Variants in NLRP8 observed in about 807,000 individuals in gnomAD.
The protein encoded by NLRP8 is NLR family pyrin domain containing 8.
NLRP8 carries 86 observed loss-of-function variants against 88.7 expected under a neutral mutation model. That is an observed-to-expected ratio of 0.97 (90% CI 0.81 to 1.16). The LOEUF (loss-of-function observed/expected upper bound fraction) is 1.16, where lower values mean the gene tolerates loss of function less well. NLRP8 is among the 50% of genes most tolerant of loss of function. NLRP8 has a pLI of 0.00. For missense variants in NLRP8, 1,342 were observed against 1,286.5 expected (o/e 1.04, Z -0.66); for synonymous variants, 504 against 494.6 (o/e 1.02, Z -0.25).
At position 55,954,595 on chromosome 19, in the gene NLRP8, C is replaced by G; in HGVS notation, c.537C>G (p.Tyr179Ter). 2 of 1,614,168 alleles carry G rather than the reference C, an allele frequency of 1.2e-6. No individual in the cohort carries two copies. The highest frequency in any genetic ancestry group is 2.7e-5 in the African/African-American group (2 of 75,030). Residue 179 changes from tyrosine (Y) to a stop codon, truncating the protein, a stop_gained, in exon 3 of 10, where the codon TAC (tyrosine) becomes TAG (stop). Coordinates refer to ENST00000291971, the MANE Select transcript of NLRP8 (RefSeq NM_176811.2). LOFTEE classifies it high-confidence loss of function. Reference sequence around the variant, plus strand: ...CTGGAAACCAGAGGGACTTCTTCTACCAAGGTGTACACAGGCACGAGGAGT... The same window carrying G: ...CTGGAAACCAGAGGGACTTCTTCTAGCAAGGTGTACACAGGCACGAGGAGT...
chr19:55,969,671 C>T (rs1183480555), intron 5 of NLRP8, among the ~76,000 whole-genome samples: 1 of 152,142 alleles, frequency 6.6e-6, no homozygotes, highest in Non-Finnish European at 1.5e-5. Context: ...AGTTCAGACC[C>T]CACTTTCCAG....
Position 55,986,274 on chromosome 19 carries a change from ACACACTCACACT to A in NLRP8, c.3048-1534_3048-1523del, listed in dbSNP as rs372284071. ...ATTATGTAAAATAAGGGCACCCAAC[ACACACTCACACT>A]CACACACACACTCTATCATACACAG... On this transcript the variant is annotated intron_variant, in intron 9 of 9. Coordinates refer to ENST00000291971, the MANE Select transcript of NLRP8 (RefSeq NM_176811.2). 3.8e-3 allele frequency among the ~76,000 whole-genome samples: 574 copies of A among 151,720 alleles called. 5 individuals are homozygous for A. Among genetic ancestry groups the A allele is most frequent in the African/African-American group, 0.013 (525 of 41,268 alleles).
intron 5 of NLRP8, among the ~76,000 whole-genome samples, chr19:55,969,851 G>A (rs1379557863): frequency 6.6e-6 from 1 of 152,180 alleles, no homozygotes; most frequent in East Asian, 1.9e-4. Flanking sequence ...CTGGAACCTG[G>A]AGGTGGTAAG....
intron 3 of NLRP8, among the ~76,000 whole-genome samples, chr19:55,958,081 T>A (rs1339762097): frequency 6.6e-6 from 1 of 152,080 alleles, no homozygotes; most frequent in African/African-American, 2.4e-5. Flanking sequence ...ACACATCTGG[T>A]CGAAGCTAAG....
At chr19:55,982,729 C>T (rs536534941) in intron 9 of NLRP8, among the ~76,000 whole-genome samples, 1 of 152,216 alleles carries the variant, frequency 6.6e-6, no homozygotes, top group African/African-American at 2.4e-5. Flanking sequence ...GTTGCTTGAG[C>T]CCAAGAGTTA....
At chr19:55,971,587 G>T (rs771249449) in intron 6 of NLRP8, among the ~76,000 whole-genome samples, 2 of 151,806 alleles carry the variant, frequency 1.3e-5, no homozygotes, top group Admixed American at 6.6e-5. Flanking sequence ...GAAGATCCAA[G>T]AATTTAGTTA....
At chr19:55,985,988 G>C (rs1194316546) in intron 9 of NLRP8, among the ~76,000 whole-genome samples, 5 of 152,046 alleles carry the variant, frequency 3.3e-5, no homozygotes, top group Admixed American at 2.0e-4. Context: ...CACAGAGCAA[G>C]ACTCCACATC....
chr19:55,976,853 G>T (rs1042263913), intron 8 of NLRP8, among the ~76,000 whole-genome samples: 10 of 150,668 alleles, frequency 6.6e-5, no homozygotes, highest in East Asian at 1.9e-4. Flanking sequence ...GCTGAGGTGG[G>T]GCGGATCATG....
chr19:55,950,808 A>C (rs55775824), intron 1 of NLRP8, among the ~76,000 whole-genome samples: 1 of 152,016 alleles, frequency 6.6e-6, no homozygotes, highest in South Asian at 2.1e-4. Context: ...GGCCAGGCGC[A>C]GTGGCTCACG....
At chr19:55,987,117 C>T (rs556981270) in intron 9 of NLRP8, among the ~76,000 whole-genome samples, 1 of 152,164 alleles carries the variant, frequency 6.6e-6, no homozygotes, top group Non-Finnish European at 1.5e-5. Context: ...GCCTATAATC[C>T]CAGCACTTTG....
intron 5 of NLRP8, among the ~76,000 whole-genome samples, chr19:55,967,501 T>C (rs1459188145): frequency 6.6e-6 from 1 of 152,254 alleles, no homozygotes; most frequent in African/African-American, 2.4e-5. Flanking sequence ...TCCAGTTCCA[T>C]CCATGTCGTT....
chr19:55,954,930 T>A lies in NLRP8; in HGVS notation c.872T>A (p.Leu291His). Residue 291 changes from leucine (L) to histidine (H), a missense_variant, in exon 3 of 10, where the codon CTC becomes CAC. Transcript: ENST00000291971. ...CTGCTCTTGGATGGCTTTGAGGAGC[T>A]CACATCTACCCTCATTGACAGACTG... 6.2e-7 allele frequency: 1 copy of A among 1,614,084 alleles called. No individual in the cohort carries two copies. Among genetic ancestry groups the A allele is most frequent in the Non-Finnish European group, 8.5e-7 (1 of 1,180,018 alleles).
At chr19:55,983,939 A>T (rs992967429) in intron 9 of NLRP8, among the ~76,000 whole-genome samples, 1 of 152,140 alleles carries the variant, frequency 6.6e-6, no homozygotes, top group Non-Finnish European at 1.5e-5. Flanking sequence ...CTTCTAAAAA[A>T]TTACTGCTAA....
intron 9 of NLRP8, among the ~76,000 whole-genome samples, chr19:55,980,693 G>C (rs1330208578): frequency 1.3e-5 from 2 of 152,202 alleles, no homozygotes; most frequent in Non-Finnish European, 2.9e-5. Flanking sequence ...TGGTGGCAGA[G>C]AGAGATGACT....
intron 9 of NLRP8, among the ~76,000 whole-genome samples, chr19:55,981,688 A>G (rs1055413732): frequency 6.6e-5 from 10 of 152,184 alleles, no homozygotes; most frequent in Non-Finnish European, 1.5e-4. Flanking sequence ...CAAGTACTGG[A>G]AAAAGGAAAT....
chr19:55,981,911 T>G (rs1028686851), intron 9 of NLRP8, among the ~76,000 whole-genome samples: 1 of 282 alleles, frequency 3.5e-3, no homozygotes, highest in African/African-American at 0.011. Context: ...TGTTTTTTGT[T>G]TTTTTTTTTG....
intron 3 of NLRP8, among the ~76,000 whole-genome samples, chr19:55,960,390 C>A (rs1301666252): frequency 6.6e-6 from 1 of 152,128 alleles, no homozygotes; most frequent in South Asian, 2.1e-4. Flanking sequence ...CACAAAATCA[C>A]ATTCAAGGGG....
At chr19:55,961,236 A>G (rs1053859314) in intron 3 of NLRP8, among the ~76,000 whole-genome samples, 1 of 152,048 alleles carries the variant, frequency 6.6e-6, no homozygotes, top group African/African-American at 2.4e-5. Flanking sequence ...ACCAACAGCA[A>G]TCTTCACATG....
At chr19:55,976,382 A>T (rs1019941645) in intron 8 of NLRP8, 79 bp downstream of exon 8, 16 of 1,216,390 alleles carry the variant, frequency 1.3e-5, no homozygotes, top group African/African-American at 7.7e-5. Context: ...ATATAACAGG[A>T]AAGGGCTGTC....
Sources: gnomAD v4.1 joint callset for allele counts (sites outside exome capture counted in the v4.1 genomes callset) on GRCh38, gnomAD v4.1.1 for gene constraint, MANE v1.5 for transcripts, NCBI Gene and HGNC (gene_info 2026-07-23, HGNC 2026-07-21) for gene names.